Variants in DNAJC1 observed in about 807,000 individuals in gnomAD.
The protein encoded by DNAJC1 is dnaJ homolog subfamily C member 1.
A neutral mutation model predicts 76.6 loss-of-function variants in DNAJC1; 58 were observed. The ratio of observed to expected loss-of-function variants is 0.76; its 90% confidence interval spans 0.61 to 0.94. The LOEUF is 0.94. Among genes scored for constraint, DNAJC1 ranks in the 40% least tolerant of loss-of-function variants. DNAJC1 has a pLI of 0.00. For missense variants in DNAJC1, 689 were observed against 677.3 expected (o/e 1.02, Z -0.19); for synonymous variants, 258 against 267.9 (o/e 0.96, Z 0.36).
rs748114891 is a variant in DNAJC1, at chr10:21,919,889, T to A, written c.578A>T (p.Lys193Met). The change falls in exon 5 of 12, where the codon AAG becomes ATG. Residue 193 changes from lysine (K) to methionine (M), a missense_variant. Lys to Met is a moderately conservative substitution (Grantham distance 95). Coordinates refer to ENST00000376980, the MANE Select transcript of DNAJC1 (RefSeq NM_022365.4). ...LSRKKREKKK[K>M]TGSKSVDVSK... The stretch of plus-strand genomic sequence containing the variant: ...TACATCCACACTCTTGCTGCCAGTC[T>A]TTTTTTTCTTTTCTCTCTTTTTTCT... 1 of 1,603,272 alleles carries A rather than the reference T, an allele frequency of 6.2e-7. No homozygotes were observed. Among genetic ancestry groups the A allele is most frequent in the South Asian group, 1.1e-5 (1 of 89,636 alleles).
chr10:21,917,433 A>T (rs1372042431), intron 6 of DNAJC1, among the ~76,000 whole-genome samples: 4 of 152,094 alleles, frequency 2.6e-5, no homozygotes, highest in Non-Finnish European at 5.9e-5. Flanking sequence ...TTCTATTTAT[A>T]CTGCCTCATG....
intron 9 of DNAJC1, among the ~76,000 whole-genome samples, chr10:21,776,794 T>C (rs1834458380): frequency 6.6e-6 from 1 of 152,216 alleles, no homozygotes; most frequent in Non-Finnish European, 1.5e-5. Flanking sequence ...ATTACCTCTA[T>C]AAGCAATGCG....
chr10:21,756,831 G>T, intron 11 of DNAJC1, 76 bp from the exon 12 acceptor site: 1 of 1,397,854 alleles, frequency 7.2e-7, no homozygotes, highest in Non-Finnish European at 1.0e-6. Context: ...CCGGTCTGCT[G>T]GCTTCTGCTC....
At chr10:21,925,465 T>C (rs554143837) in intron 3 of DNAJC1, among the ~76,000 whole-genome samples, 1 of 152,308 alleles carries the variant, frequency 6.6e-6, no homozygotes, top group South Asian at 2.1e-4. Context: ...TGAAAACATA[T>C]GTCCATCTGA....
intron 1 of DNAJC1, among the ~76,000 whole-genome samples, chr10:21,948,644 T>C (rs1837545600): frequency 6.6e-6 from 1 of 152,216 alleles, no homozygotes; most frequent in Non-Finnish European, 1.5e-5. Context: ...TTGTAATTGT[T>C]CTATTATTAT....
At chr10:21,979,530 C>G (rs534443087) in intron 1 of DNAJC1, among the ~76,000 whole-genome samples, 90 of 151,998 alleles carry the variant, frequency 5.9e-4, no homozygotes, top group Non-Finnish European at 1.1e-3. Flanking sequence ...GTACCTCAAC[C>G]CTATTTTTCC....
intron 10 of DNAJC1, among the ~76,000 whole-genome samples, chr10:21,761,181 AAAC>A (rs1054172951): frequency 2.6e-5 from 4 of 152,200 alleles, no homozygotes; most frequent in African/African-American, 7.2e-5. Context: ...CTCTGTCTCA[AAAC>A]AACAACAAAA....
chr10:21,964,708 GT>G (rs367817626), intron 1 of DNAJC1, among the ~76,000 whole-genome samples: 3,627 of 133,830 alleles, frequency 0.027, 46 homozygotes, highest in Middle Eastern at 0.056. Flanking sequence ...AAGTCTGTTG[GT>G]TTTTTTTTTT....
intron 8 of DNAJC1, among the ~76,000 whole-genome samples, chr10:21,826,237 C>CAAAAAAA (rs538301271): frequency 1.3e-5 from 1 of 77,492 alleles, no homozygotes; most frequent in Non-Finnish European, 2.3e-5. Flanking sequence ...AGACTTTGTC[C>CAAAAAAA]AAAAAAAAAA....
At chr10:21,776,043 T>C (rs1483297159) in intron 9 of DNAJC1, among the ~76,000 whole-genome samples, 1 of 152,172 alleles carries the variant, frequency 6.6e-6, no homozygotes, top group Non-Finnish European at 1.5e-5. Flanking sequence ...GGACCTATGA[T>C]GTAAGTTTGT....
At chr10:21,936,018 A>G (rs576264972) in intron 1 of DNAJC1, among the ~76,000 whole-genome samples, 1 of 152,338 alleles carries the variant, frequency 6.6e-6, no homozygotes, top group South Asian at 2.1e-4. Flanking sequence ...AGAAATAAAA[A>G]ACACTGGTAA....
intron 8 of DNAJC1, among the ~76,000 whole-genome samples, chr10:21,849,143 A>G (rs1011181455): frequency 2.6e-5 from 4 of 151,806 alleles, no homozygotes; most frequent in African/African-American, 9.7e-5. Flanking sequence ...TACAAAAAAA[A>G]TTAGCCAGGC....
Position 22,003,221 on chromosome 10 carries a change from C to T in DNAJC1, c.214G>A (p.Val72Met). The part of the protein sequence containing the change: ...VQLNFYQFLG[V>M]QQDASSADIR... The stretch of plus-strand genomic sequence containing the variant: ...CGCGCCTCCTTGCTTACCTGCTGCA[C>T]CCCGAGGAACTGGTAGAAGTTGAGC... Residue 72 changes from valine (V) to methionine (M), a missense_variant, in exon 1 of 12, where the codon GTG becomes ATG. Transcript: ENST00000376980. 1 of 1,556,182 alleles carries T rather than the reference C, an allele frequency of 6.4e-7. No homozygotes were observed. The highest frequency in any genetic ancestry group is 1.9e-5 in the Admixed American group (1 of 54,002).
At chr10:21,969,970 T>G (rs531479202) in intron 1 of DNAJC1, among the ~76,000 whole-genome samples, 19 of 151,716 alleles carry the variant, frequency 1.3e-4, no homozygotes, top group Non-Finnish European at 2.4e-4. Flanking sequence ...AGTTTCCAAT[T>G]TATTCAGTTC....
chr10:21,829,339 G>A (rs183229250), intron 8 of DNAJC1, among the ~76,000 whole-genome samples: 31 of 151,954 alleles, frequency 2.0e-4, no homozygotes, highest in South Asian at 6.3e-4. Context: ...TCAGCCTCCC[G>A]GGTAGGCGGG....
At chr10:21,842,494 C>G (rs763970691) in intron 8 of DNAJC1, among the ~76,000 whole-genome samples, 7 of 152,108 alleles carry the variant, frequency 4.6e-5, no homozygotes, top group Non-Finnish European at 8.8e-5. Flanking sequence ...GAATAAGTTA[C>G]AAGTACAGAT....
At chr10:21,834,137 G>A (rs1389226669) in intron 8 of DNAJC1, among the ~76,000 whole-genome samples, 11 of 152,030 alleles carry the variant, frequency 7.2e-5, no homozygotes, top group Admixed American at 1.3e-4. Flanking sequence ...GGTGGCGGGC[G>A]CCTGTAGTCC....
intron 8 of DNAJC1, among the ~76,000 whole-genome samples, chr10:21,832,605 A>C (rs896338851): frequency 6.6e-6 from 1 of 152,096 alleles, no homozygotes; most frequent in Non-Finnish European, 1.5e-5. Flanking sequence ...CAATCAACTG[A>C]TTTCTTGAAT....
intron 8 of DNAJC1, among the ~76,000 whole-genome samples, chr10:21,852,199 TAAGAGAA>T (rs1835768271): frequency 6.6e-6 from 1 of 151,544 alleles, no homozygotes; most frequent in African/African-American, 2.4e-5. Context: ...CAAAATATGC[TAAGAGAA>T]AGGAGGCAGA....
Sources: gnomAD v4.1 joint callset for allele counts (sites outside exome capture counted in the v4.1 genomes callset) on GRCh38, gnomAD v4.1.1 for gene constraint, MANE v1.5 for transcripts, NCBI Gene and HGNC (gene_info 2026-07-23, HGNC 2026-07-21) for gene names.